MRE11: variants seen among roughly 807,000 people sequenced by gnomAD.
MRE11 encodes MRE11 double strand break repair nuclease.
MRE11 carries 62 observed loss-of-function variants against 91.7 expected under a neutral mutation model. That is an observed-to-expected ratio of 0.68 (90% CI 0.55 to 0.84). MRE11 has a LOEUF of 0.84. Ranked by LOEUF, MRE11 falls within the 40% of genes least tolerant of loss-of-function variation. The pLI is 0.00. For synonymous variants in MRE11, 273 were observed against 271.4 expected (o/e 1.01, Z -0.06); for missense variants, 796 against 852.9 (o/e 0.93, Z 0.83).
At chr11:94,462,377 C>A (rs1016827912) in intron 11 of MRE11, among the ~76,000 whole-genome samples, 1 of 152,118 alleles carries the variant, frequency 6.6e-6, no homozygotes, top group South Asian at 2.1e-4. Flanking sequence ...AGATTCAATG[C>A]CATCCCCATC....
At chr11:94,503,380 T>C in the MRE11 span, among the ~76,000 whole-genome samples, 1 of 152,006 alleles carries the variant, frequency 6.6e-6, no homozygotes, top group Non-Finnish European at 1.5e-5. Flanking sequence ...ATCCTAGTAG[T>C]TGAAAATCAT....
intron 3 of MRE11, among the ~76,000 whole-genome samples, chr11:94,487,281 C>T (rs2135127195): frequency 6.6e-6 from 1 of 152,256 alleles, no homozygotes; most frequent in African/African-American, 2.4e-5. Context: ...ATTTTGCCAT[C>T]ATTCAAACAT....
chr11:94,477,279 AT>A (rs528649538), intron 6 of MRE11, among the ~76,000 whole-genome samples: 172 of 152,328 alleles, frequency 1.1e-3, no homozygotes, highest in Non-Finnish European at 2.1e-3. Flanking sequence ...TAAAAACAAT[AT>A]TCTTACATTG....
chr11:94,511,548 G>A, the MRE11 span, among the ~76,000 whole-genome samples: 1 of 152,194 alleles, frequency 6.6e-6, no homozygotes, highest in Non-Finnish European at 1.5e-5. Context: ...CAGGGAGTAT[G>A]AAAGAGAGAG....
chr11:94,444,058 C>T (rs534445994), intron 16 of MRE11, among the ~76,000 whole-genome samples: 1 of 151,792 alleles, frequency 6.6e-6, no homozygotes. Flanking sequence ...AGGTGCACGC[C>T]GCCCTGCCTG....
intron 19 of MRE11, among the ~76,000 whole-genome samples, chr11:94,427,409 C>T (rs1160134774): frequency 2.6e-5 from 4 of 152,026 alleles, no homozygotes; most frequent in African/African-American, 7.2e-5. Flanking sequence ...TAATAAGAGC[C>T]AGCTATGAAA....
intron 10 of MRE11, among the ~76,000 whole-genome samples, chr11:94,465,935 C>G (rs1300915301): frequency 6.6e-6 from 1 of 152,018 alleles, no homozygotes; most frequent in African/African-American, 2.4e-5. Flanking sequence ...AAACAGATCA[C>G]TGGAAGCAGA....
intron 6 of MRE11, 79 bp downstream of exon 6, chr11:94,478,656 G>C (rs1478946373): frequency 6.5e-7 from 1 of 1,543,086 alleles, no homozygotes. Flanking sequence ...TTTCCAAACA[G>C]ATACAAACTT....
intron 16 of MRE11, among the ~76,000 whole-genome samples, chr11:94,438,081 T>C (rs1400957323): frequency 6.6e-6 from 1 of 152,098 alleles, no homozygotes; most frequent in South Asian, 2.1e-4. Flanking sequence ...TGAGCCGAGA[T>C]CGTGCCACTG....
At chr11:94,439,039 G>A (rs1945702723) in intron 16 of MRE11, among the ~76,000 whole-genome samples, 1 of 152,126 alleles carries the variant, frequency 6.6e-6, no homozygotes, top group South Asian at 2.1e-4. Flanking sequence ...AATCTGGGCT[G>A]TCAACTCCTA....
chr11:94,421,111 A>T (rs1237204468), intron 19 of MRE11, among the ~76,000 whole-genome samples: 1 of 152,220 alleles, frequency 6.6e-6, no homozygotes, highest in Non-Finnish European at 1.5e-5. Flanking sequence ...ATCAGATATT[A>T]ACTAATAATT....
the MRE11 span, among the ~76,000 whole-genome samples, chr11:94,511,880 G>A: frequency 1.3e-5 from 2 of 152,196 alleles, no homozygotes; most frequent in East Asian, 3.8e-4. Context: ...TGCTGAATTT[G>A]ATTTCATCTG....
At chr11:94,460,852 T>C (rs1946394811) in intron 12 of MRE11, 84 bp downstream of exon 12, 1 of 1,124,022 alleles carries the variant, frequency 8.9e-7, no homozygotes, top group African/African-American at 1.5e-5. Flanking sequence ...TCATTTTGTT[T>C]AAACTATCAA....
rs1295435459 is a variant in MRE11, at chr11:94,420,060, ACT to A, written c.*63_*64del. On this transcript the variant is annotated 3_prime_UTR_variant, in exon 20 of 20. Coordinates refer to ENST00000323929, the MANE Select transcript of MRE11 (RefSeq NM_005591.4). ...CAATACTTAAAATCTTAAACTGTAA[ACT>A]CTTAGCTTGTAACATTTTCATTTTT... is the stretch of plus-strand genomic sequence containing the variant. 2.3e-6 allele frequency: 3 copies of A among 1,310,342 alleles called. No homozygotes were observed. The highest frequency in any genetic ancestry group is 3.3e-6 in the Non-Finnish European group (3 of 918,408). 81.2% of individuals were successfully genotyped at this position (1,310,342 alleles called of 1,614,324 possible).
At chr11:94,445,688 G>A (rs910239205) in intron 16 of MRE11, 122 bp downstream of exon 16, 4 of 773,990 alleles carry the variant, frequency 5.2e-6, no homozygotes, top group East Asian at 4.9e-5. Context: ...AATTTATCCT[G>A]TGATCCTAAT....
intron 4 of MRE11, among the ~76,000 whole-genome samples, chr11:94,481,425 G>C (rs765244191): frequency 2.0e-5 from 3 of 152,094 alleles, no homozygotes; most frequent in Non-Finnish European, 4.4e-5. Flanking sequence ...TGCTTATTGG[G>C]GAATTCAACC....
chr11:94,507,383 G>C, the MRE11 span, among the ~76,000 whole-genome samples: 1 of 151,980 alleles, frequency 6.6e-6, no homozygotes, highest in Non-Finnish European at 1.5e-5. Flanking sequence ...CTTTTGGGGG[G>C]ATTTTGCATT....
rs373522639 is a variant in MRE11, at chr11:94,447,359, A to G, written c.1643T>C (p.Ile548Thr). ...ATTAGCCATCTGTTCTGCTAAATCT[A>G]TACTCATAAGGTCATCAGCACTAAA... ...SAFSADDLMS[I>T]DLAEQMANDS... Residue 548 changes from isoleucine (I) to threonine (T), a missense_variant, in exon 15 of 20, where the codon ATA (isoleucine) becomes ACA (threonine). Ile to Thr is a moderately conservative substitution (Grantham distance 89, BLOSUM62 -1). Coordinates refer to ENST00000323929, the MANE Select transcript of MRE11 (RefSeq NM_005591.4). 2.9e-4 allele frequency: 472 copies of G among 1,613,974 alleles called. No homozygotes were observed. Among genetic ancestry groups the G allele is most frequent in the Non-Finnish European group, 3.9e-4 (457 of 1,180,018 alleles).
rs527810783 is a variant in MRE11 at position 94,430,513 on chromosome 11, G to A, written c.1995-527C>T. On this transcript the variant is annotated intron_variant, in intron 18 of 19. Transcript: ENST00000323929. ...TTTTTTTTTTTTGAGATGGAGTCTC[G>A]CTCTGTCACCAGGCTGGAATGCAGT... 6.9e-5 allele frequency among the ~76,000 whole-genome samples: 10 copies of A among 144,108 alleles called. No individual in the cohort carries two copies. The South Asian group carries it at 1.5e-3, about 22-fold the overall frequency. The allele number at this position is 144,108 out of a possible 152,430, so 94.5% of individuals were successfully genotyped here. A position where few individuals can be genotyped will look rare whatever the true frequency, so the allele number is the denominator to read the frequency against.
Sources: gnomAD v4.1 joint callset for allele counts (sites outside exome capture counted in the v4.1 genomes callset) on GRCh38, gnomAD v4.1.1 for gene constraint, MANE v1.5 for transcripts, NCBI Gene and HGNC (gene_info 2026-07-23, HGNC 2026-07-21) for gene names.